The following CPT1A variants were observed in gnomAD, a reference collection of about 807,000 sequenced individuals.
CPT1A encodes carnitine O-palmitoyltransferase 1, liver isoform.
In CPT1A, 64 loss-of-function variants were observed where a neutral mutation model predicts 100.8. The observed-to-expected ratio is 0.63, with a 90% CI of 0.52 to 0.78. The LOEUF (loss-of-function observed/expected upper bound fraction) is 0.78. Among genes scored for constraint, CPT1A ranks in the 30% least tolerant of loss-of-function variants. The pLI, the probability that CPT1A is intolerant of heterozygous loss-of-function variation, is 0.00. For missense variants in CPT1A, 802 were observed against 1,034.1 expected, an observed-to-expected ratio of 0.78 and a Z score of 3.08; for synonymous variants, 363 against 396.0, an observed-to-expected ratio of 0.92 and a Z score of 0.99.
At chr11:68,782,166 T>C (rs779321346) in intron 10 of CPT1A, among the ~76,000 whole-genome samples, 2 of 152,158 alleles carry the variant, frequency 1.3e-5, no homozygotes, top group Non-Finnish European at 2.9e-5. Context: ...GAGCGGTGGG[T>C]ATTTTTTGTT....
chr11:68,823,559 C>A (rs532584781), intron 1 of CPT1A, among the ~76,000 whole-genome samples: 1 of 149,884 alleles, frequency 6.7e-6, no homozygotes, highest in Admixed American at 6.6e-5. Flanking sequence ...GAGGCCGAGG[C>A]GGGAGGATCA....
intron 13 of CPT1A, among the ~76,000 whole-genome samples, chr11:68,774,473 C>T (rs993671095): frequency 6.6e-6 from 1 of 151,510 alleles, no homozygotes; most frequent in African/African-American, 2.4e-5. Context: ...GATAGGGTGT[C>T]CCTCTGTTGC....
chr11:68,762,894 T>C (rs1854671506), intron 14 of CPT1A, 133 bp from the exon 15 acceptor site: 4 of 1,144,514 alleles, frequency 3.5e-6, no homozygotes, highest in Non-Finnish European at 5.1e-6. Flanking sequence ...GGTCTTGCTG[T>C]TGCCCAGGCT....
Position 68,841,639 on chromosome 11 carries a change from C to T in CPT1A, c.-14+136G>A, listed in dbSNP as rs1393441455. The T allele has an allele frequency of 2.9e-6, 1 of 339,230 alleles. No individual in the cohort carries two copies. Among genetic ancestry groups the T allele is most frequent in the African/African-American group, 2.2e-5 (1 of 44,750 alleles). 21.0% of individuals were successfully genotyped at this position (339,230 alleles called of 1,614,324 possible). On this transcript the variant is annotated intron_variant, in intron 1 of 18. Transcript: ENST00000265641. This position sits in a 1 kb window ranked among gnomAD's most constrained non-coding sequence, Gnocchi z 6.3. ...GCCGTCCGGGGGGAATACCGGGGTTCCTCTCGGCGCCCCGGTTCCGGCGGC... is the reference window on the plus strand; with the variant it reads ...GCCGTCCGGGGGGAATACCGGGGTTTCTCTCGGCGCCCCGGTTCCGGCGGC...
intron 12 of CPT1A, among the ~76,000 whole-genome samples, chr11:68,777,650 G>A (rs763819884): frequency 1.3e-5 from 2 of 152,202 alleles, no homozygotes; most frequent in African/African-American, 4.8e-5. Flanking sequence ...GCCCACCCTG[G>A]TCTAAGATAA....
chr11:68,757,374 A>G lies in CPT1A; in HGVS notation c.*270T>C, dbSNP rs1215227438. ...CCTTCATTAACTCAACAAGATTTGC[A>G]TCCCTTAATAAATCCAAGCCGATGC... On this transcript the variant is annotated 3_prime_UTR_variant, in exon 19 of 19. Coordinates refer to ENST00000265641, the MANE Select transcript of CPT1A (RefSeq NM_001876.4). The G allele has an allele frequency of 6.0e-6, 8 of 1,333,544 alleles. No individual in the cohort carries two copies. The highest frequency in any genetic ancestry group is 7.7e-6 in the Non-Finnish European group (8 of 1,037,910). The allele number at this position is 1,333,544 out of a possible 1,614,324, so 82.6% of individuals were successfully genotyped here. A position where few individuals can be genotyped will look rare whatever the true frequency, so the allele number is the denominator to read the frequency against.
At position 68,812,535 on chromosome 11, in the gene CPT1A, A is replaced by G. The variant is rs2154001166; in HGVS notation, c.183T>C (p.Ser61=). Reference sequence around the variant, plus strand: ...TCACGCCCACCACCACGATAAGCCAACTGGAGGGGCTTGCCGGGTACACGC... The same window carrying G: ...TCACGCCCACCACCACGATAAGCCAGCTGGAGGGGCTTGCCGGGTACACGC... ...ITGVYPASPS[S]WLIVVVGVMT... is the part of the protein sequence containing the mutation. The change falls in exon 3 of 19, where the codon AGT becomes AGC. Residue 61 remains serine, a synonymous_variant. Transcript: ENST00000265641. 6.2e-7 allele frequency: 1 copy of G among 1,614,108 alleles called. No individual in the cohort carries two copies. Among genetic ancestry groups the G allele is most frequent in the Non-Finnish European group, 8.5e-7 (1 of 1,180,008 alleles).
intron 6 of CPT1A, among the ~76,000 whole-genome samples, chr11:68,797,627 C>T (rs1400413912): frequency 2.6e-5 from 4 of 152,020 alleles, no homozygotes; most frequent in Admixed American, 1.3e-4. Flanking sequence ...GAGCTATGAT[C>T]GTGCCACTGC....
At chr11:68,802,552 C>T (rs987161780) in intron 5 of CPT1A, among the ~76,000 whole-genome samples, 72 of 151,358 alleles carry the variant, frequency 4.8e-4, no homozygotes, top group African/African-American at 1.7e-3. Flanking sequence ...TACAGTGAAA[C>T]CCCGTCTCCA....
At chr11:68,841,934 C>T (rs1594386410), upstream of CPT1A, 2 of 984,696 alleles carry the variant, frequency 2.0e-6, no homozygotes, top group East Asian at 2.3e-4. This position sits in a 1 kb window ranked among gnomAD's most constrained non-coding sequence, Gnocchi z 6.3. Context: ...GCGGGTCCGG[C>T]TGCGGCGCCT....
At chr11:68,821,425 T>G (rs531624283) in intron 1 of CPT1A, among the ~76,000 whole-genome samples, 1 of 152,198 alleles carries the variant, frequency 6.6e-6, no homozygotes, top group African/African-American at 2.4e-5. Flanking sequence ...AGTGCTGGGA[T>G]TACAGGCGTG....
intron 14 of CPT1A, among the ~76,000 whole-genome samples, chr11:68,763,772 G>A (rs1053390420): frequency 2.6e-5 from 4 of 152,174 alleles, no homozygotes; most frequent in African/African-American, 7.2e-5. Context: ...TGCGGTCAGC[G>A]CTCACTCGTG....
At chr11:68,766,135 T>G (rs978270148) in intron 14 of CPT1A, among the ~76,000 whole-genome samples, 12 of 151,970 alleles carry the variant, frequency 7.9e-5, no homozygotes, top group African/African-American at 2.4e-4. Flanking sequence ...CCTCCCAAAG[T>G]GCTGGGGTTA....
chr11:68,763,180 G>A (rs1048008241), intron 14 of CPT1A, among the ~76,000 whole-genome samples: 6 of 152,134 alleles, frequency 3.9e-5, no homozygotes, highest in Non-Finnish European at 7.4e-5. Flanking sequence ...GTCTCTGGCC[G>A]CTTTTACATG....
upstream of CPT1A, among the ~76,000 whole-genome samples, chr11:68,843,742 T>C (rs1857201574): frequency 6.6e-6 from 1 of 152,194 alleles, no homozygotes; most frequent in Admixed American, 6.5e-5. The surrounding 1 kb of genome is among the most constrained non-coding windows in gnomAD (Gnocchi z 4.0). Context: ...CCCCCGCAGA[T>C]TTCACCGCCC....
chr11:68,799,103 G>T, intron 6 of CPT1A, 115 bp downstream of exon 6: 2 of 897,812 alleles, frequency 2.2e-6, no homozygotes, highest in Non-Finnish European at 1.8e-6. Context: ...GAACTTCCTA[G>T]GGTGTGATTT....
At chr11:68,762,813 A>G (rs905840068) in intron 14 of CPT1A, 52 bp from the exon 15 acceptor site, 1 of 1,609,320 alleles carries the variant, frequency 6.2e-7, no homozygotes, top group Non-Finnish European at 8.5e-7. Context: ...GATATGTCTA[A>G]AACGTAAGGA....
chr11:68,792,514 C>T (rs1467935572), intron 9 of CPT1A, among the ~76,000 whole-genome samples: 1 of 152,216 alleles, frequency 6.6e-6, no homozygotes, highest in East Asian at 1.9e-4. Flanking sequence ...AGGCCATGGA[C>T]AGCACAGCCT....
chr11:68,801,695 C>G (rs732852), intron 5 of CPT1A, among the ~76,000 whole-genome samples: 5,120 of 145,536 alleles, frequency 0.035, 291 homozygotes, highest in African/African-American at 0.13. Context: ...AGTAACCAAG[C>G]CTGGATTCAA....
Sources: allele counts gnomAD v4.1 joint callset (sites outside exome capture counted in the v4.1 genomes callset), GRCh38; gene constraint gnomAD v4.1.1; non-coding constraint Gnocchi (gnomAD v3.1); transcripts MANE v1.5; gene names NCBI Gene and HGNC (gene_info 2026-07-23, HGNC 2026-07-21).